Variants in TMEM184A observed in about 807,000 individuals in gnomAD.
The protein encoded by TMEM184A is transmembrane protein 184A.
In TMEM184A, 40 loss-of-function variants were observed where a neutral mutation model predicts 39.5. The observed-to-expected ratio is 1.01, with a 90% confidence interval of 0.79 to 1.32. The LOEUF is 1.32. Among genes scored for constraint, TMEM184A ranks in the 40% most tolerant of loss-of-function variants. TMEM184A has a pLI of 0.00. For synonymous variants in TMEM184A, 280 were observed against 252.3 expected (o/e 1.11, Z -1.04); for missense variants, 603 against 568.8 (o/e 1.06, Z -0.61).
rs761740581 is a variant in TMEM184A at position 1,550,876 on chromosome 7, A to C, written c.326T>G (p.Leu109Arg). ...GTAGTACTGGTGGTCTCCGAGGAGGAGGAGGCTGAGCCAGGAGTCGAAGGC... is the reference window on the plus strand; with the variant it reads ...GTAGTACTGGTGGTCTCCGAGGAGGCGGAGGCTGAGCCAGGAGTCGAAGGC... ...IYAFDSWLSL[L>R]LLGDHQYYVY... The change falls in exon 3 of 9, where the codon CTC becomes CGC. Residue 109 changes from leucine to arginine, a missense_variant. Leu to Arg is a moderately radical substitution (Grantham distance 102). Transcript: ENST00000297477. 1.2e-6 allele frequency: 2 copies of C among 1,613,718 alleles called. No homozygotes were observed. Among genetic ancestry groups the C allele is most frequent in the Non-Finnish European group, 1.7e-6 (2 of 1,179,970 alleles).
intron 2 of TMEM184A, among the ~76,000 whole-genome samples, chr7:1,552,579 A>T (rs1583223267): frequency 6.8e-6 from 1 of 146,132 alleles, no homozygotes; most frequent in Non-Finnish European, 1.5e-5. Flanking sequence ...TTAGCCTGGG[A>T]ATGGGAACGC....
chr7:1,550,710 G>T, intron 3 of TMEM184A, 107 bp downstream of exon 3: 1 of 1,408,104 alleles, frequency 7.1e-7, no homozygotes, highest in South Asian at 1.3e-5. Context: ...CTGACGGGCC[G>T]GGAGAGTGGG....
In TMEM184A at chr7:1,547,694, G is replaced by C. The variant is rs769291829; in HGVS notation, c.1012+48C>G. ...GGCACGGACACAGACACGGTGCCCG[G>C]GGCAGGGCTGTGCGCTCCGGGTGCC... On this transcript the variant is annotated intron_variant, in intron 8 of 8. Transcript: ENST00000297477. The C allele has an allele frequency of 2.7e-5, 42 of 1,560,898 alleles. No homozygotes were observed. In the East Asian group the frequency reaches 8.5e-4, roughly 32 times the overall value.
At chr7:1,549,431 C>A in intron 6 of TMEM184A, 1 of 395,858 alleles carries the variant, frequency 2.5e-6, no homozygotes, top group Non-Finnish European at 5.1e-6. Context: ...GTCCCCTTGG[C>A]CCAGGTGCCC....
At position 1,547,855 on chromosome 7, in the gene TMEM184A, A is replaced by G. The variant is rs1454054640; in HGVS notation, c.899T>C (p.Leu300Pro). ...SGGNKLGAGT[L>P]AAGYQNFIIC... ...GATGAAGTTCTGGTAGCCGGCGGCCAGCGTGCCAGCCCCCAGCTTGTTCCC... is the reference window on the plus strand; with the variant it reads ...GATGAAGTTCTGGTAGCCGGCGGCCGGCGTGCCAGCCCCCAGCTTGTTCCC... Residue 300 changes from leucine to proline, a missense_variant, in exon 8 of 9, where the codon CTG (leucine) becomes CCG (proline). By Grantham distance (98) the Leu-to-Pro change is moderately conservative. Coordinates refer to ENST00000297477, the MANE Select transcript of TMEM184A (RefSeq NM_001097620.2). 4.4e-6 allele frequency: 7 copies of G among 1,606,512 alleles called. No homozygotes were observed. The highest frequency in any genetic ancestry group is 4.2e-6 in the Non-Finnish European group (5 of 1,176,986).
rs558872810 is a variant in TMEM184A at position 1,547,692 on chromosome 7, C to T, written c.1012+50G>A. 20 of 1,552,024 alleles carry T rather than the reference C, an allele frequency of 1.3e-5. No homozygotes were observed. In the East Asian group the frequency reaches 1.9e-4, roughly 14 times the overall value. On this transcript the variant is annotated intron_variant, in intron 8 of 8. Coordinates refer to ENST00000297477, the MANE Select transcript of TMEM184A (RefSeq NM_001097620.2). ...ATGGCACGGACACAGACACGGTGCC[C>T]GGGGCAGGGCTGTGCGCTCCGGGTG...
Position 1,545,756 on chromosome 7 carries a change from G to A in TMEM184A, c.*1196C>T, listed in dbSNP as rs905882559. On this transcript the variant is annotated 3_prime_UTR_variant, in exon 9 of 9. Coordinates refer to ENST00000297477, the MANE Select transcript of TMEM184A (RefSeq NM_001097620.2). ...CTCCCAGAAGCCCCCTTAGTCCCTG[G>A]GCGGCTACTGTTCTTGCGGCCGCGA... The A allele has an allele frequency of 2.6e-5, 4 of 152,530 alleles. No individual in the cohort carries two copies. The highest frequency in any genetic ancestry group is 7.2e-5 in the African/African-American group (3 of 41,448). The allele number at this position is 152,530 out of a possible 1,614,324, so 9.4% of individuals were successfully genotyped here.
chr7:1,555,546 G>GCTTCCTGCTGC lies in TMEM184A; in HGVS notation c.1-63_1-62insGCAGCAGGAAG. The GCTTCCTGCTGC allele has an allele frequency of 7.6e-7, 1 of 1,317,260 alleles. No individual in the cohort carries two copies. Among genetic ancestry groups the GCTTCCTGCTGC allele is most frequent in the Non-Finnish European group, 1.1e-6 (1 of 926,488 alleles). 81.6% of individuals were successfully genotyped at this position (1,317,260 alleles called of 1,614,324 possible). A position where few individuals can be genotyped will look rare whatever the true frequency, so the allele number is the denominator to read the frequency against. On this transcript the variant is annotated intron_variant, in intron 1 of 8. Transcript: ENST00000297477. The surrounding 1 kb of genome is among the most constrained non-coding windows in gnomAD (Gnocchi z 5.2). ...AGGGCAAAGGTACTGGCTCCCGGCA[G>GCTTCCTGCTGC]CAGGAAGCAGCGGGGGAGGGAGGAG... is the stretch of plus-strand genomic sequence containing the variant.
chr7:1,550,557 A>C (rs1784549802), intron 3 of TMEM184A, among the ~76,000 whole-genome samples, 162 bp from the exon 4 acceptor site: 2 of 152,074 alleles, frequency 1.3e-5, no homozygotes, highest in Admixed American at 6.5e-5. Flanking sequence ...GGGCAGCCTG[A>C]GAGGGTCAGG....
chr7:1,547,808 C>T lies in TMEM184A; in HGVS notation c.946G>A (p.Ala316Thr), dbSNP rs755791075. The T allele has an allele frequency of 7.4e-6, 12 of 1,612,734 alleles. No homozygotes were observed. The highest frequency in any genetic ancestry group is 2.2e-5 in the East Asian group (1 of 44,884). ...NFIICVEMLF[A>T]SVALRYAFPC... The stretch of plus-strand genomic sequence containing the variant: ...AAGGCATAACGCAGGGCCACGGAGG[C>T]GAACAGCATCTCCACGCAGATGATG... Residue 316 changes from alanine (A) to threonine (T), a missense_variant, in exon 8 of 9, where the codon GCC (alanine) becomes ACC (threonine). Transcript: ENST00000297477.
At chr7:1,549,645 C>G in intron 6 of TMEM184A, 1 of 680,202 alleles carries the variant, frequency 1.5e-6, no homozygotes, top group Non-Finnish European at 2.8e-6. Context: ...GGCGGGGCCC[C>G]TAGCCCAGCC....
intron 5 of TMEM184A, 52 bp from the exon 6 acceptor site, chr7:1,549,997 G>C (rs1266688385): frequency 2.5e-6 from 4 of 1,605,120 alleles, no homozygotes; most frequent in Non-Finnish European, 3.4e-6. Flanking sequence ...CAGGGGCCCA[G>C]GAATGGGGAT....
chr7:1,546,702 TC>T lies in TMEM184A; in HGVS notation c.*249del. The T allele has an allele frequency of 2.2e-6, 1 of 447,744 alleles. No individual in the cohort carries two copies. Among genetic ancestry groups the T allele is most frequent in the Non-Finnish European group, 3.9e-6 (1 of 254,536 alleles). The allele number at this position is 447,744 out of a possible 1,614,324, so 27.7% of individuals were successfully genotyped here. A position where few individuals can be genotyped will look rare whatever the true frequency, so the allele number is the denominator to read the frequency against. ...CTGATGGCTGGGTGATCCCAGGGGGTCCCCAGGCTCTTCCGATTGGCTCAGG... is the reference window on the plus strand; with the variant it reads ...CTGATGGCTGGGTGATCCCAGGGGGTCCCAGGCTCTTCCGATTGGCTCAGG... On this transcript the variant is annotated 3_prime_UTR_variant, in exon 9 of 9. Coordinates refer to ENST00000297477, the MANE Select transcript of TMEM184A (RefSeq NM_001097620.2).
At chr7:1,552,017 C>T (rs1230996390) in intron 2 of TMEM184A, among the ~76,000 whole-genome samples, 1 of 151,734 alleles carries the variant, frequency 6.6e-6, no homozygotes, top group Admixed American at 6.6e-5. Context: ...CTCGCTCTGT[C>T]GCCCAGACTG....
In TMEM184A at chr7:1,546,917, C is replaced by T; in HGVS notation, c.*35G>A. ...TGTTCTTCCCCAGAGGCCTGGGCAG[C>T]CTGGGTCCCTACAGCACTGGCAGCC... On this transcript the variant is annotated 3_prime_UTR_variant, in exon 9 of 9. Coordinates refer to ENST00000297477, the MANE Select transcript of TMEM184A (RefSeq NM_001097620.2). The T allele has an allele frequency of 7.0e-7, 1 of 1,424,080 alleles. No homozygotes were observed. Among genetic ancestry groups the T allele is most frequent in the Non-Finnish European group, 9.3e-7 (1 of 1,072,146 alleles). 88.2% of individuals were successfully genotyped at this position (1,424,080 alleles called of 1,614,324 possible).
In TMEM184A at chr7:1,550,916, TGAG is replaced by T; in HGVS notation, c.283_285del (p.Leu95del). The T allele has an allele frequency of 6.2e-7, 1 of 1,613,798 alleles. No individual in the cohort carries two copies. Among genetic ancestry groups the T allele is most frequent in the East Asian group, 2.2e-5 (1 of 44,878 alleles). On this transcript the variant is annotated inframe_deletion, in exon 3 of 9. Coordinates refer to ENST00000297477, the MANE Select transcript of TMEM184A (RefSeq NM_001097620.2). ...GAGTCGAAGGCGTAGATGGGCACGA[TGAG>T]GAGCAGGCGGATGATGTAACGTTGC...
chr7:1,550,364 A>G lies in TMEM184A; in HGVS notation c.417T>C (p.Cys139=). ...AFVIYSFLSL[C]FQYLGGEGAI... The stretch of plus-strand genomic sequence containing the variant: ...CGCCCTCGCCTCCCAGGTACTGGAA[A>G]CACAGGCTCAGGAAGCTGTAAATGA... The change falls in exon 4 of 9, where the codon TGT becomes TGC. Residue 139 remains cysteine (C), a synonymous_variant. Transcript: ENST00000297477. The G allele has an allele frequency of 6.2e-7, 1 of 1,612,918 alleles. No homozygotes were observed. Among genetic ancestry groups the G allele is most frequent in the Non-Finnish European group, 8.5e-7 (1 of 1,179,784 alleles).
chr7:1,551,974 G>A (rs752963164), intron 2 of TMEM184A, among the ~76,000 whole-genome samples: 3 of 151,292 alleles, frequency 2.0e-5, no homozygotes, highest in Non-Finnish European at 3.0e-5. Flanking sequence ...ACATGGTCTC[G>A]CTCTCTTGCC....
Position 1,547,820 on chromosome 7 carries a change from C to T in TMEM184A, c.934G>A (p.Glu312Lys), listed in dbSNP as rs1784407889. 1 of 1,612,678 alleles carries T rather than the reference C, an allele frequency of 6.2e-7. No individual in the cohort carries two copies. Among genetic ancestry groups the T allele is most frequent in the East Asian group, 2.2e-5 (1 of 44,878 alleles). ...AGYQNFIICVEMLFASVALRY... is the reference protein window; with the variant it reads ...AGYQNFIICVKMLFASVALRY... ...AGGGCCACGGAGGCGAACAGCATCT[C>T]CACGCAGATGATGAAGTTCTGGTAG... Residue 312 changes from glutamate to lysine, a missense_variant, in exon 8 of 9, where the codon GAG becomes AAG. Coordinates refer to ENST00000297477, the MANE Select transcript of TMEM184A (RefSeq NM_001097620.2).
Sources: allele counts gnomAD v4.1 joint callset (sites outside exome capture counted in the v4.1 genomes callset), GRCh38; gene constraint gnomAD v4.1.1; non-coding constraint Gnocchi (gnomAD v3.1); transcripts MANE v1.5; gene names NCBI Gene and HGNC (gene_info 2026-07-23, HGNC 2026-07-21).